Variants in GJB7 observed in about 807,000 individuals in gnomAD.
GJB7 encodes the protein gap junction protein beta 7.
For synonymous variants in GJB7, 87 were observed against 95.2 expected, an observed-to-expected ratio of 0.91 and a Z score of 0.50; for missense variants, 253 against 256.8, an observed-to-expected ratio of 0.99 and a Z score of 0.10.
At chr6:87,287,690 TTGTC>T (rs1191500492) in intron 2 of GJB7, among the ~76,000 whole-genome samples, 1 of 152,202 alleles carries the variant, frequency 6.6e-6, no homozygotes, top group Non-Finnish European at 1.5e-5. Context: ...CATTGGGCGT[TTGTC>T]TGTATTACTC....
intron 2 of GJB7, chr6:87,299,520 T>G (rs1437747098): frequency 6.2e-6 from 2 of 322,914 alleles, no homozygotes; most frequent in Admixed American, 8.2e-5. Flanking sequence ...TCCAGACCAC[T>G]GTACCTGCTC....
intron 2 of GJB7, among the ~76,000 whole-genome samples, chr6:87,320,273 T>G (rs975446259): frequency 7.2e-5 from 11 of 152,218 alleles, no homozygotes; most frequent in African/African-American, 2.4e-4. Context: ...AAATATCTCA[T>G]GTACCCCATA....
Position 87,298,905 on chromosome 6 carries a change from T to C in GJB7, c.-27-13966A>G, listed in dbSNP as rs1294163974. Reference sequence around the variant, plus strand: ...CCTTACTGCTTCAGGGTGTAGACTTTTTAGCAGATGCTGTAGCTGTTACAA... The same window carrying C: ...CCTTACTGCTTCAGGGTGTAGACTTCTTAGCAGATGCTGTAGCTGTTACAA... On this transcript the variant is annotated intron_variant, in intron 2 of 2. Coordinates refer to ENST00000525899, the MANE Select transcript of GJB7 (RefSeq NM_198568.3). The C allele has an allele frequency of 3.3e-5, 14 of 423,214 alleles. No homozygotes were observed. In the East Asian group the frequency reaches 8.1e-4, roughly 25 times the overall value. The allele number at this position is 423,214 out of a possible 1,614,324, so 26.2% of individuals were successfully genotyped here. A position where few individuals can be genotyped will look rare whatever the true frequency, so the allele number is the denominator to read the frequency against.
chr6:87,311,184 A>G (rs1776509223), intron 2 of GJB7, among the ~76,000 whole-genome samples: 1 of 152,226 alleles, frequency 6.6e-6, no homozygotes, highest in Non-Finnish European at 1.5e-5. Context: ...ATGGAAACAA[A>G]CTTGCATTCA....
chr6:87,328,934 G>A (rs967653639), intron 1 of GJB7, among the ~76,000 whole-genome samples: 1 of 152,242 alleles, frequency 6.6e-6, no homozygotes, highest in Non-Finnish European at 1.5e-5. Flanking sequence ...TCCGAACCAC[G>A]TGCGGGATAT....
intron 2 of GJB7, among the ~76,000 whole-genome samples, chr6:87,289,379 C>T (rs755592827): frequency 6.6e-5 from 10 of 152,066 alleles, no homozygotes; most frequent in Admixed American, 1.3e-4. Context: ...CTAGAGTTGC[C>T]AGATGAAGCA....
At position 87,283,366 on chromosome 6, in the gene GJB7, T is replaced by C. The variant is rs769720274; in HGVS notation, c.*875A>G. The C allele has an allele frequency of 6.6e-6, 1 of 152,282 alleles. No homozygotes were observed. Among genetic ancestry groups the C allele is most frequent in the Non-Finnish European group, 1.5e-5 (1 of 68,056 alleles). 9.4% of individuals were successfully genotyped at this position (152,282 alleles called of 1,614,324 possible). On this transcript the variant is annotated 3_prime_UTR_variant, in exon 3 of 3. Coordinates refer to ENST00000525899, the MANE Select transcript of GJB7 (RefSeq NM_198568.3). ...TTCTGTGGCCTCCACTTCCTATCAATGTGTTGCCTTCTGGGGGACCTGCTT... is the reference window on the plus strand; with the variant it reads ...TTCTGTGGCCTCCACTTCCTATCAACGTGTTGCCTTCTGGGGGACCTGCTT...
chr6:87,299,157 G>C (rs1776285815), intron 2 of GJB7: 1 of 461,132 alleles, frequency 2.2e-6, no homozygotes, highest in African/African-American at 2.0e-5. Context: ...ATTAGCAAAA[G>C]TGCTAATCCT....
intron 2 of GJB7, among the ~76,000 whole-genome samples, chr6:87,294,515 A>G (rs145860745): frequency 6.6e-6 from 1 of 152,264 alleles, no homozygotes; most frequent in Non-Finnish European, 1.5e-5. Flanking sequence ...AAGCACTATT[A>G]TGCATTGGGA....
In GJB7 at chr6:87,284,609, C is replaced by G; in HGVS notation, c.304G>C (p.Glu102Gln). 2 of 1,614,194 alleles carry G rather than the reference C, an allele frequency of 1.2e-6. No homozygotes were observed. The highest frequency in any genetic ancestry group is 1.7e-6 in the Non-Finnish European group (2 of 1,180,038). Residue 102 changes from glutamate (E) to glutamine (Q), a missense_variant, in exon 3 of 3, where the codon GAG becomes CAG. Physicochemically the swap from Glu to Gln is conservative, Grantham distance 29 (BLOSUM62 2). Coordinates refer to ENST00000525899, the MANE Select transcript of GJB7 (RefSeq NM_198568.3). ...TAGAGTTTCTTTCTGTGCCTTTTCT[C>G]TCTACCCTCATGATAGGCTACATGT... ...VLHVAYHEGR[E>Q]KRHRKKLYVS... is the part of the protein sequence containing the mutation.
intron 1 of GJB7, among the ~76,000 whole-genome samples, chr6:87,327,416 T>A (rs1454835988): frequency 6.6e-6 from 1 of 152,230 alleles, no homozygotes; most frequent in Non-Finnish European, 1.5e-5. Context: ...CCATGTTTAG[T>A]GCTTCCTTCA....
chr6:87,308,778 G>A (rs991229942), intron 2 of GJB7, among the ~76,000 whole-genome samples: 7 of 151,778 alleles, frequency 4.6e-5, no homozygotes, highest in African/African-American at 1.7e-4. Flanking sequence ...CTGAAAACCA[G>A]AGACAGAGAA....
chr6:87,286,941 C>T (rs1776070879), intron 2 of GJB7, among the ~76,000 whole-genome samples: 1 of 152,178 alleles, frequency 6.6e-6, no homozygotes, highest in Non-Finnish European at 1.5e-5. Context: ...ACACTTGCAC[C>T]ATACACATTT....
intron 2 of GJB7, among the ~76,000 whole-genome samples, chr6:87,310,250 G>A (rs1776496211): frequency 6.6e-6 from 1 of 152,126 alleles, no homozygotes; most frequent in African/African-American, 2.4e-5. Flanking sequence ...TTACCAGGGT[G>A]TAGGAAAAGA....
At chr6:87,315,265 T>C (rs1323351046) in intron 2 of GJB7, among the ~76,000 whole-genome samples, 5 of 152,150 alleles carry the variant, frequency 3.3e-5, no homozygotes, top group Non-Finnish European at 2.9e-5. Context: ...TCCACAATTA[T>C]GATAATGTGA....
chr6:87,317,200 CAAA>C (rs113016507), intron 2 of GJB7, among the ~76,000 whole-genome samples: 1 of 137,158 alleles, frequency 7.3e-6, no homozygotes, highest in Non-Finnish European at 1.6e-5. Context: ...ACTAAAAATA[CAAA>C]AAAAAAAAAA....
chr6:87,328,496 T>C (rs1776896957), intron 1 of GJB7, among the ~76,000 whole-genome samples: 1 of 151,590 alleles, frequency 6.6e-6, no homozygotes, highest in African/African-American at 2.4e-5. Context: ...TTCAGGTCTG[T>C]TGGAGTACCC....
intron 2 of GJB7, among the ~76,000 whole-genome samples, chr6:87,289,898 G>A (rs1582554166): frequency 6.6e-6 from 1 of 152,318 alleles, no homozygotes; most frequent in South Asian, 2.1e-4. Flanking sequence ...GAGCCAGAGA[G>A]CTGCTTCGTC....
At chr6:87,322,420 C>T (rs1255536875) in intron 2 of GJB7, 2 of 152,312 alleles carry the variant, frequency 1.3e-5, no homozygotes, top group Non-Finnish European at 2.9e-5. Flanking sequence ...ACACTTCAGC[C>T]CGCAGACCCC....
Sources: gnomAD v4.1 joint callset for allele counts (sites outside exome capture counted in the v4.1 genomes callset) on GRCh38, gnomAD v4.1.1 for gene constraint, MANE v1.5 for transcripts, NCBI Gene and HGNC (gene_info 2026-07-23, HGNC 2026-07-21) for gene names.